ADAMTS20: variants seen among roughly 807,000 people sequenced by gnomAD.
ADAMTS20 encodes the protein A disintegrin and metalloproteinase with thrombospondin motifs 20.
A neutral mutation model predicts 260.1 loss-of-function variants in ADAMTS20; 225 were observed. That is an observed-to-expected ratio of 0.87 (90% confidence interval 0.78 to 0.97). The LOEUF (loss-of-function observed/expected upper bound fraction) is 0.97. ADAMTS20 is among the 50% of genes least tolerant of loss of function. The probability of loss-of-function intolerance (pLI) is 0.00; values close to 1 mark genes in which losing one functional copy is unlikely to be tolerated. For synonymous variants in ADAMTS20, 802 were observed against 769.5 expected, an observed-to-expected ratio of 1.04 and a Z score of -0.70; for missense variants, 2,400 against 2,337.7, an observed-to-expected ratio of 1.03 and a Z score of -0.55.
intron 3 of ADAMTS20, among the ~76,000 whole-genome samples, chr12:43,522,296 T>A (rs1409708950): frequency 3.9e-5 from 6 of 152,150 alleles, no homozygotes; most frequent in Admixed American, 6.5e-5. Context: ...GAGAACAGCA[T>A]AAGGGAAGCC....
chr12:43,402,579 A>G (rs563774262), intron 28 of ADAMTS20, among the ~76,000 whole-genome samples: 1 of 152,174 alleles, frequency 6.6e-6, no homozygotes, highest in East Asian at 1.9e-4. Flanking sequence ...TGAGGCATCC[A>G]TAGAGTAAAC....
In ADAMTS20 at chr12:43,375,314, A is replaced by G. The variant is rs77104504; in HGVS notation, c.5446+65T>C. On this transcript the variant is annotated intron_variant, in intron 36 of 38. Transcript: ENST00000389420. ...TACCCTGGCTACAACATATACCAAC[A>G]TATTGTTTGACGTTCATAAGCAAAT... The G allele has an allele frequency of 6.3e-4, 978 of 1,542,408 alleles. 4 individuals carry two copies. In the African/African-American group the frequency reaches 0.012, roughly 20 times the overall value.
intron 3 of ADAMTS20, among the ~76,000 whole-genome samples, chr12:43,519,723 A>G (rs2137479048): frequency 6.6e-6 from 1 of 152,216 alleles, no homozygotes. Flanking sequence ...TCTATGCTAT[A>G]TTTTCTCTTT....
chr12:43,383,719 A>G lies in ADAMTS20; in HGVS notation c.4636T>C (p.Ser1546Pro), dbSNP rs199575193. Residue 1546 changes from serine to proline, a missense_variant, in exon 31 of 39, where the codon TCA becomes CCA. Coordinates refer to ENST00000389420, the MANE Select transcript of ADAMTS20 (RefSeq NM_025003.5). The stretch of plus-strand genomic sequence containing the variant: ...TGATGTGAATCTTTTCTCTCACATG[A>G]TGTTGAACACTAGAAATGCAATAAC... ...MERGRLNCST[S>P]CERKDSHQRM... The G allele has an allele frequency of 1.8e-4, 288 of 1,613,702 alleles. No individual in the cohort carries two copies. Among genetic ancestry groups the G allele is most frequent in the Non-Finnish European group, 1.8e-4 (210 of 1,179,828 alleles).
At chr12:43,543,560 A>G (rs1409931644) in intron 2 of ADAMTS20, among the ~76,000 whole-genome samples, 3 of 152,172 alleles carry the variant, frequency 2.0e-5, no homozygotes, top group Non-Finnish European at 2.9e-5. Flanking sequence ...CCACATCTTG[A>G]CTTTATGGAG....
Position 43,405,162 on chromosome 12 carries a change from G to C in ADAMTS20, c.4285-5929C>G, listed in dbSNP as rs1308609519. 2.1e-5 allele frequency among the ~76,000 whole-genome samples: 3 copies of C among 139,940 alleles called. No individual in the cohort carries two copies. In the South Asian group the frequency reaches 7.1e-4, roughly 33 times the overall value. The allele number at this position is 139,940 out of a possible 152,430, so 91.8% of individuals were successfully genotyped here. A position where few individuals can be genotyped will look rare whatever the true frequency, so the allele number is the denominator to read the frequency against. On this transcript the variant is annotated intron_variant, in intron 28 of 38. Transcript: ENST00000389420. ...TAGCCCCAGCACTTTGGGAGGCTGAGGCCAGAGGATTGCTTGAACCCAGGA... is the reference window on the plus strand; with the variant it reads ...TAGCCCCAGCACTTTGGGAGGCTGACGCCAGAGGATTGCTTGAACCCAGGA...
chr12:43,393,060 A>G (rs190330554), intron 29 of ADAMTS20, among the ~76,000 whole-genome samples: 34 of 152,084 alleles, frequency 2.2e-4, no homozygotes, highest in Non-Finnish European at 4.0e-4. Flanking sequence ...GATATGTCAA[A>G]GGCACCTAAA....
chr12:43,544,326 C>G (rs778219401), intron 2 of ADAMTS20, among the ~76,000 whole-genome samples: 10 of 152,126 alleles, frequency 6.6e-5, no homozygotes, highest in Non-Finnish European at 1.2e-4. Flanking sequence ...TAAAGATGAG[C>G]TAGCTAAATA....
rs144064003 is a variant in ADAMTS20, at chr12:43,383,950, G to C, written c.4480C>G (p.Gln1494Glu). 2.8e-4 allele frequency: 446 copies of C among 1,613,726 alleles called. 2 individuals carry two copies. In the African/African-American group the frequency reaches 4.5e-3, roughly 16 times the overall value. Residue 1494 changes from glutamine to glutamate, a missense_variant, in exon 30 of 39, where the codon CAG (glutamine) becomes GAG (glutamate). Coordinates refer to ENST00000389420, the MANE Select transcript of ADAMTS20 (RefSeq NM_025003.5). Reference protein sequence around the residue: ...ECSVTCGSGVQQRDVYCRLKG... With the variant: ...ECSVTCGSGVEQRDVYCRLKG... Reference sequence around the variant, plus strand: ...AGTCTGCAGTATACATCCCTCTGCTGAACTCCAGAGCCACAGGTCACAGAG... The same window carrying C: ...AGTCTGCAGTATACATCCCTCTGCTCAACTCCAGAGCCACAGGTCACAGAG...
intron 7 of ADAMTS20, among the ~76,000 whole-genome samples, chr12:43,481,301 T>C (rs752275043): frequency 6.6e-6 from 1 of 151,850 alleles, no homozygotes; most frequent in Admixed American, 6.6e-5. Context: ...CATTTCACTA[T>C]CTGCAGAAAA....
intron 3 of ADAMTS20, among the ~76,000 whole-genome samples, chr12:43,529,584 A>G (rs947296259): frequency 1.3e-5 from 2 of 152,182 alleles, no homozygotes; most frequent in Non-Finnish European, 2.9e-5. Context: ...GTTCTCACTT[A>G]TAAGTGGGAG....
intron 7 of ADAMTS20, among the ~76,000 whole-genome samples, chr12:43,470,418 T>C (rs544287874): frequency 6.6e-6 from 1 of 152,180 alleles, no homozygotes; most frequent in African/African-American, 2.4e-5. Flanking sequence ...TGTAAAAATA[T>C]GTATCAAATA....
chr12:43,426,470 C>T (rs980951624), intron 27 of ADAMTS20, among the ~76,000 whole-genome samples: 2 of 134,594 alleles, frequency 1.5e-5, no homozygotes, highest in African/African-American at 5.2e-5. Flanking sequence ...TAAGCAAAAA[C>T]ATTTGACTAA....
chr12:43,496,039 G>A (rs1208204198), intron 4 of ADAMTS20, among the ~76,000 whole-genome samples: 1 of 152,158 alleles, frequency 6.6e-6, no homozygotes, highest in Non-Finnish European at 1.5e-5. Flanking sequence ...TTGGTACTCA[G>A]AGAATTTTTG....
At position 43,498,058 on chromosome 12, in the gene ADAMTS20, C is replaced by A. The variant is rs7308254; in HGVS notation, c.867+4094G>T. 9.5e-3 allele frequency among the ~76,000 whole-genome samples: 1,440 copies of A among 152,072 alleles called. 27 individuals carry two copies. The highest frequency in any genetic ancestry group is 0.032 in the African/African-American group (1,335 of 41,502). On this transcript the variant is annotated intron_variant, in intron 4 of 38. Coordinates refer to ENST00000389420, the MANE Select transcript of ADAMTS20 (RefSeq NM_025003.5). ...GCCATTTTAACCTGGTGTTGTCACC[C>A]AAATTCCCTATGAATAAAGGTTTTA... is the stretch of plus-strand genomic sequence containing the variant.
Position 43,551,224 on chromosome 12 carries a change from C to G in ADAMTS20, c.138G>C (p.Glu46Asp). The G allele has an allele frequency of 6.2e-7, 1 of 1,613,890 alleles. No individual in the cohort carries two copies. The highest frequency in any genetic ancestry group is 8.5e-7 in the Non-Finnish European group (1 of 1,179,866). ...ACACTTCTCCAAACTCATTGACCCG[C>G]TCGGGGATCACTACTTCGTAGGAGG... Reference protein sequence around the residue: ...TLTSYEVVIPERVNEFGEVFP... With the variant: ...TLTSYEVVIPDRVNEFGEVFP... Residue 46 changes from glutamate to aspartate, a missense_variant, in exon 2 of 39, where the codon GAG (glutamate) becomes GAC (aspartate). Coordinates refer to ENST00000389420, the MANE Select transcript of ADAMTS20 (RefSeq NM_025003.5). This position sits in a 1 kb window ranked among gnomAD's most constrained non-coding sequence, Gnocchi z 4.6.
In ADAMTS20 at chr12:43,552,128, G is replaced by T. The variant is rs374083835; in HGVS notation, c.-207C>A. On this transcript the variant is annotated 5_prime_UTR_variant, in exon 1 of 39. Transcript: ENST00000389420. The stretch of plus-strand genomic sequence containing the variant: ...CGCTGAGCCGCTGCTTCATCGCACT[G>T]CAGCCTCACCCCCCTTCCTGCGCCC... Among the ~76,000 whole-genome samples, 13 of 152,338 alleles carry T rather than the reference G, an allele frequency of 8.5e-5. 1 individual carries two copies. The East Asian group carries it at 1.4e-3, about 16-fold the overall frequency.
At chr12:43,404,959 G>A (rs1248210164) in intron 28 of ADAMTS20, among the ~76,000 whole-genome samples, 1 of 151,932 alleles carries the variant, frequency 6.6e-6, no homozygotes, top group African/African-American at 2.4e-5. Context: ...TTCAATGAGT[G>A]AATTTGGCAA....
chr12:43,423,748 T>C (rs557845864), intron 28 of ADAMTS20: 16 of 702,454 alleles, frequency 2.3e-5, no homozygotes, highest in African/African-American at 1.9e-4. Flanking sequence ...GTAAACTCCA[T>C]AGGGATAAGA....
Sources: gnomAD v4.1 joint callset for allele counts (sites outside exome capture counted in the v4.1 genomes callset) on GRCh38, gnomAD v4.1.1 for gene constraint, Gnocchi (gnomAD v3.1) non-coding constraint, MANE v1.5 for transcripts, NCBI Gene and HGNC (gene_info 2026-07-23, HGNC 2026-07-21) for gene names.